TASP1: variants seen among roughly 807,000 people sequenced by gnomAD.
The protein encoded by TASP1 is taspase 1.
Under a neutral mutation model 56.6 loss-of-function variants are expected in TASP1, and 16 were observed. That is an observed-to-expected ratio of 0.28 (90% confidence interval 0.19 to 0.43). TASP1 has a LOEUF of 0.43. Ranked by LOEUF, TASP1 falls within the 20% of genes least tolerant of loss-of-function variation. The pLI is 1.00. For synonymous variants in TASP1, 179 were observed against 184.2 expected, an observed-to-expected ratio of 0.97 and a Z score of 0.23; for missense variants, 393 against 511.6, an observed-to-expected ratio of 0.77 and a Z score of 2.24.
chr20:13,562,844 T>C (rs1036022280), intron 7 of TASP1, among the ~76,000 whole-genome samples: 2 of 146,474 alleles, frequency 1.4e-5, no homozygotes, highest in Non-Finnish European at 1.5e-5. Context: ...GCCACTGCAC[T>C]CCAGCCTGGT....
chr20:13,342,112 G>A, the TASP1 span, among the ~76,000 whole-genome samples: 5 of 152,202 alleles, frequency 3.3e-5, no homozygotes, highest in Non-Finnish European at 5.9e-5. Flanking sequence ...GAGCTGTAAA[G>A]TCATGTGCAA....
the TASP1 span, among the ~76,000 whole-genome samples, chr20:13,293,653 A>C: frequency 1.3e-5 from 2 of 152,184 alleles, no homozygotes; most frequent in South Asian, 2.1e-4. Context: ...GAAAGTCTGG[A>C]GGAAAATAAT....
the TASP1 span, among the ~76,000 whole-genome samples, chr20:13,269,512 C>G: frequency 1.3e-5 from 2 of 152,224 alleles, no homozygotes; most frequent in Non-Finnish European, 2.9e-5. Flanking sequence ...TTCCCTCCTT[C>G]TCTCTACAAC....
the TASP1 span, chr20:13,368,654 G>C: frequency 2.0e-5 from 3 of 152,216 alleles, no homozygotes; most frequent in Non-Finnish European, 2.9e-5. Flanking sequence ...ATCCACACTG[G>C]AAACAGTAGG....
chr20:13,406,856 C>T (rs775012914), intron 13 of TASP1, among the ~76,000 whole-genome samples: 19 of 151,850 alleles, frequency 1.3e-4, no homozygotes, highest in Non-Finnish European at 2.6e-4. Flanking sequence ...TTAGTAGAGA[C>T]AGGGTTTCAC....
chr20:13,292,460 G>T, the TASP1 span: 22 of 1,586,510 alleles, frequency 1.4e-5, no homozygotes, highest in Non-Finnish European at 1.6e-5. Context: ...ACTGTTTGAA[G>T]TTGGTAAGAT....
At chr20:13,288,540 A>C in the TASP1 span, 1 of 1,613,502 alleles carries the variant, frequency 6.2e-7, no homozygotes, top group Non-Finnish European at 8.5e-7. Context: ...TGTCTTCCAG[A>C]TTCCACAGAT....
intron 10 of TASP1, among the ~76,000 whole-genome samples, chr20:13,518,249 G>C (rs182772407): frequency 2.0e-5 from 3 of 152,116 alleles, no homozygotes; most frequent in South Asian, 2.1e-4. Context: ...TGCCCAACAA[G>C]GCAGATTAAG....
At chr20:13,551,747 C>G (rs752987318) in intron 8 of TASP1, among the ~76,000 whole-genome samples, 4 of 152,344 alleles carry the variant, frequency 2.6e-5, no homozygotes, top group Non-Finnish European at 4.4e-5. Flanking sequence ...TTAAACACTT[C>G]ATTCCAAAAG....
the TASP1 span, among the ~76,000 whole-genome samples, chr20:13,252,808 T>TG: frequency 1.3e-5 from 2 of 152,134 alleles, no homozygotes; most frequent in East Asian, 3.9e-4. Context: ...ACTTGGCCTT[T>TG]GGGGCAACTG....
At chr20:13,292,497 A>G in the TASP1 span, 2 of 1,309,448 alleles carry the variant, frequency 1.5e-6, no homozygotes, top group Non-Finnish European at 2.2e-6. Flanking sequence ...CCAAATATTG[A>G]CTTAGTGCCT....
At chr20:13,161,894 C>T in the TASP1 span, among the ~76,000 whole-genome samples, 1 of 152,148 alleles carries the variant, frequency 6.6e-6, no homozygotes, top group East Asian at 1.9e-4. Flanking sequence ...AAAACATAAA[C>T]CATTGTATTG....
chr20:13,153,319 CAA>C, the TASP1 span, among the ~76,000 whole-genome samples: 1 of 152,240 alleles, frequency 6.6e-6, no homozygotes, highest in African/African-American at 2.4e-5. Flanking sequence ...GCTGAAGCAC[CAA>C]TAACCTTGAC....
chr20:13,151,800 G>A, the TASP1 span, among the ~76,000 whole-genome samples: 1 of 152,128 alleles, frequency 6.6e-6, no homozygotes, highest in Non-Finnish European at 1.5e-5. Context: ...AGTGCCCTTT[G>A]GGTGCTTGTC....
At chr20:13,179,031 C>T in the TASP1 span, among the ~76,000 whole-genome samples, 1 of 151,786 alleles carries the variant, frequency 6.6e-6, no homozygotes, top group Non-Finnish European at 1.5e-5. Flanking sequence ...ACTATGTACC[C>T]CATGAATATG....
At chr20:13,192,070 A>G in the TASP1 span, among the ~76,000 whole-genome samples, 7 of 152,254 alleles carry the variant, frequency 4.6e-5, no homozygotes, top group Admixed American at 2.0e-4. Flanking sequence ...TGAAAGAAAA[A>G]AATCAACAAC....
At chr20:13,373,234 C>T in the TASP1 span, among the ~76,000 whole-genome samples, 2 of 151,682 alleles carry the variant, frequency 1.3e-5, no homozygotes, top group Non-Finnish European at 2.9e-5. Context: ...CTATTATAGC[C>T]CCAACAATAC....
intron 6 of TASP1, among the ~76,000 whole-genome samples, chr20:13,576,823 A>G (rs2046943490): frequency 6.6e-6 from 1 of 152,218 alleles, no homozygotes; most frequent in Non-Finnish European, 1.5e-5. Context: ...CAAGTGTAGC[A>G]TTATTATATA....
At chr20:13,604,289 T>A (rs898564593) in intron 4 of TASP1, among the ~76,000 whole-genome samples, 1 of 152,146 alleles carries the variant, frequency 6.6e-6, no homozygotes, top group African/African-American at 2.4e-5. Flanking sequence ...ATAGAATGGC[T>A]TGGTGCTGTT....
Sources: allele counts gnomAD v4.1 joint callset (sites outside exome capture counted in the v4.1 genomes callset), GRCh38; gene constraint gnomAD v4.1.1; transcripts MANE v1.5; gene names NCBI Gene and HGNC (gene_info 2026-07-23, HGNC 2026-07-21).